Variants in THAP9 observed in about 807,000 individuals in gnomAD.
The protein encoded by THAP9 is THAP domain containing 9.
Under a neutral mutation model 35.7 loss-of-function variants are expected in THAP9, and 20 were observed. The ratio of observed to expected loss-of-function variants is 0.56; its 90% CI spans 0.39 to 0.81. The LOEUF is 0.81. THAP9 is among the 40% of genes least tolerant of loss of function. THAP9 has a pLI of 0.00. For missense variants in THAP9, 870 were observed against 1,047.4 expected, an observed-to-expected ratio of 0.83 and a Z score of 2.34; for synonymous variants, 335 against 373.7, an observed-to-expected ratio of 0.90 and a Z score of 1.19.
Position 82,917,850 on chromosome 4 carries a change from G to GTA in THAP9, c.1639_1640insAT (p.Leu547TyrfsTer2), listed in dbSNP as rs1303214423. The GTA allele has an allele frequency of 6.2e-7, 1 of 1,613,358 alleles. No individual in the cohort carries two copies. Among genetic ancestry groups the GTA allele is most frequent in the Admixed American group, 1.7e-5 (1 of 59,944 alleles). The stretch of plus-strand genomic sequence containing the variant: ...AAACTTACAGTAAAATAAACCACGT[G>GTA]TTAATTGAAGCCAAGACTATTTTTG... On this transcript the variant is annotated frameshift_variant, in exon 5 of 5. Transcript: ENST00000302236. LOFTEE classifies it high-confidence loss of function.
intron 4 of THAP9, among the ~76,000 whole-genome samples, chr4:82,916,486 C>CT (rs1306305567): frequency 1.3e-5 from 2 of 152,206 alleles, no homozygotes; most frequent in Non-Finnish European, 2.9e-5. Context: ...TCGTTCATAA[C>CT]TAACAGTACA....
intron 1 of THAP9, among the ~76,000 whole-genome samples, chr4:82,904,495 T>C (rs1390753995): frequency 6.6e-6 from 1 of 152,200 alleles, no homozygotes; most frequent in Non-Finnish European, 1.5e-5. Flanking sequence ...CAAAATATAG[T>C]AGGATTTTTA....
intron 2 of THAP9, 57 bp downstream of exon 2, chr4:82,904,988 C>A (rs1170809746): frequency 2.0e-6 from 3 of 1,521,514 alleles, no homozygotes; most frequent in Admixed American, 1.9e-5. Flanking sequence ...CTTTAAAAAT[C>A]AAGATAGCCC....
chr4:82,900,739 C>T lies in THAP9; in HGVS notation c.-64C>T. 6.4e-7 allele frequency: 1 copy of T among 1,566,918 alleles called. No homozygotes were observed. Among genetic ancestry groups the T allele is most frequent in the Non-Finnish European group, 8.8e-7 (1 of 1,138,584 alleles). Reference sequence around the variant, plus strand: ...GTAGCCGCAGAGTCAACGGGCGGAGCTAAAGTGGTCGTGATTCATGCTGTC... The same window carrying T: ...GTAGCCGCAGAGTCAACGGGCGGAGTTAAAGTGGTCGTGATTCATGCTGTC... On this transcript the variant is annotated 5_prime_UTR_variant, in exon 1 of 5. Coordinates refer to ENST00000302236, the MANE Select transcript of THAP9 (RefSeq NM_024672.6).
intron 4 of THAP9, among the ~76,000 whole-genome samples, chr4:82,909,381 A>G (rs1720781830): frequency 6.6e-6 from 1 of 151,932 alleles, no homozygotes; most frequent in Non-Finnish European, 1.5e-5. Context: ...CCCATACATT[A>G]TATATAAATA....
chr4:82,906,326 T>A lies in THAP9; in HGVS notation c.279T>A (p.Ile93=). ...TTAATTTTATATATCTGTCATAGAT[T>A]CCTCAAGGTGTACATCTTAAAGGTA... ...GAVPSVSLYK[I]PQGVHLKGKA... The change falls in exon 3 of 5, where the codon ATT becomes ATA. Residue 93 remains isoleucine, a splice_region_variant and synonymous_variant. Transcript: ENST00000302236. 1 of 1,569,808 alleles carries A rather than the reference T, an allele frequency of 6.4e-7. No individual in the cohort carries two copies. Among genetic ancestry groups the A allele is most frequent in the Admixed American group, 2.0e-5 (1 of 50,358 alleles).
intron 4 of THAP9, among the ~76,000 whole-genome samples, chr4:82,909,023 C>T (rs1322982694): frequency 1.3e-5 from 2 of 152,100 alleles, no homozygotes; most frequent in Non-Finnish European, 2.9e-5. Context: ...TCTCCTGCCT[C>T]AGCCTCCCAA....
At position 82,906,319 on chromosome 4, in the gene THAP9, C is replaced by A; in HGVS notation, c.277-5C>A. On this transcript the variant is annotated splice_polypyrimidine_tract_variant and splice_region_variant and intron_variant, in intron 2 of 4. Coordinates refer to ENST00000302236, the MANE Select transcript of THAP9 (RefSeq NM_024672.6). Reference sequence around the variant, plus strand: ...AATAACTTTAATTTTATATATCTGTCATAGATTCCTCAAGGTGTACATCTT... The same window carrying A: ...AATAACTTTAATTTTATATATCTGTAATAGATTCCTCAAGGTGTACATCTT... The A allele has an allele frequency of 6.4e-7, 1 of 1,564,748 alleles. No homozygotes were observed. Among genetic ancestry groups the A allele is most frequent in the South Asian group, 1.2e-5 (1 of 83,320 alleles).
chr4:82,906,742 G>A, intron 3 of THAP9, 115 bp downstream of exon 3: 1 of 1,007,360 alleles, frequency 9.9e-7, no homozygotes, highest in Non-Finnish European at 1.4e-6. Context: ...GGAAGTGAAA[G>A]TCTCAGTAGC....
intron 1 of THAP9, chr4:82,901,085 C>G (rs746134534): frequency 5.5e-6 from 4 of 727,398 alleles, no homozygotes; most frequent in South Asian, 1.5e-5. Context: ...GTGTTTACCT[C>G]TGAATAGCCG....
chr4:82,900,847 C>G lies in THAP9; in HGVS notation c.45C>G (p.Thr15=), dbSNP rs961874341. The stretch of plus-strand genomic sequence containing the variant: ...CAGTGGGCTGCAGCACCCGTGACAC[C>G]GTGCTCAGCCGGGAGCGCGGCCTCT... ...CSAVGCSTRD[T]VLSRERGLSF... Residue 15 remains threonine, a synonymous_variant, in exon 1 of 5, where the codon ACC becomes ACG. Coordinates refer to ENST00000302236, the MANE Select transcript of THAP9 (RefSeq NM_024672.6). The G allele has an allele frequency of 3.1e-6, 5 of 1,613,534 alleles. No individual in the cohort carries two copies. Among genetic ancestry groups the G allele is most frequent in the East Asian group, 2.2e-5 (1 of 44,880 alleles).
At chr4:82,908,594 T>C (rs1720747322) in intron 4 of THAP9, among the ~76,000 whole-genome samples, 1 of 152,232 alleles carries the variant, frequency 6.6e-6, no homozygotes, top group Admixed American at 6.5e-5. Flanking sequence ...TACAGATTCC[T>C]TTTTTTGTTT....
intron 4 of THAP9, among the ~76,000 whole-genome samples, chr4:82,909,031 C>T (rs1445541328): frequency 6.6e-6 from 1 of 151,908 alleles, no homozygotes; most frequent in African/African-American, 2.4e-5. Flanking sequence ...CTCAGCCTCC[C>T]AAGTAGCTGG....
Position 82,918,310 on chromosome 4 carries a change from TC to T in THAP9, c.2099del (p.Ser700TyrfsTer2). 1.9e-6 allele frequency: 3 copies of T among 1,614,186 alleles called. No individual in the cohort carries two copies. Among genetic ancestry groups the T allele is most frequent in the Non-Finnish European group, 1.7e-6 (2 of 1,180,024 alleles). On this transcript the variant is annotated frameshift_variant, in exon 5 of 5. Transcript: ENST00000302236. LOFTEE classifies it low-confidence loss of function (END_TRUNC). The part of the protein sequence containing the change: ...EGICQDWSHC[S>X]LSEALLDLSD... ...TATTTGTCAAGACTGGTCTCATTGTTCACTAAGTGAGGCATTACTAGACCTG... is the reference window on the plus strand; with the variant it reads ...TATTTGTCAAGACTGGTCTCATTGTTACTAAGTGAGGCATTACTAGACCTG...
chr4:82,904,176 G>C, intron 1 of THAP9, among the ~76,000 whole-genome samples: 1 of 148,380 alleles, frequency 6.7e-6, no homozygotes, highest in Middle Eastern at 3.4e-3. Context: ...AGATTCTCCT[G>C]CCTCAGCCTC....
At chr4:82,905,063 G>T in intron 2 of THAP9, 132 bp downstream of exon 2, 1 of 726,298 alleles carries the variant, frequency 1.4e-6, no homozygotes, top group Non-Finnish European at 2.1e-6. Flanking sequence ...GATTTTAAAT[G>T]CTTTGAAAAT....
In THAP9 at chr4:82,907,782, C is replaced by T; in HGVS notation, c.581-3C>T. ...CAAAGAATAAAAAAATTTATTTTAACAGATTTTAAGTGGGAGTTATATAAT... is the reference window on the plus strand; with the variant it reads ...CAAAGAATAAAAAAATTTATTTTAATAGATTTTAAGTGGGAGTTATATAAT... On this transcript the variant is annotated splice_polypyrimidine_tract_variant and splice_region_variant and intron_variant, in intron 3 of 4. Transcript: ENST00000302236. The T allele has an allele frequency of 6.4e-7, 1 of 1,567,798 alleles. No individual in the cohort carries two copies. Among genetic ancestry groups the T allele is most frequent in the Non-Finnish European group, 8.6e-7 (1 of 1,164,336 alleles).
At chr4:82,909,301 G>C (rs1241562533) in intron 4 of THAP9, among the ~76,000 whole-genome samples, 1 of 151,832 alleles carries the variant, frequency 6.6e-6, no homozygotes, top group Non-Finnish European at 1.5e-5. Context: ...CTTCAGAGTG[G>C]GCTGCTCTTC....
intron 1 of THAP9, among the ~76,000 whole-genome samples, chr4:82,902,767 A>G (rs762442059): frequency 7.2e-5 from 11 of 152,244 alleles, no homozygotes; most frequent in Non-Finnish European, 1.6e-4. Context: ...GAACAATAAA[A>G]TTATAATCCC....
Sources: gnomAD v4.1 joint callset for allele counts (sites outside exome capture counted in the v4.1 genomes callset) on GRCh38, gnomAD v4.1.1 for gene constraint, MANE v1.5 for transcripts, NCBI Gene and HGNC (gene_info 2026-07-23, HGNC 2026-07-21) for gene names.